Variants in SPDYE18 observed in about 807,000 individuals in gnomAD.
SPDYE18 encodes speedy protein E18.
A neutral mutation model predicts 44.9 loss-of-function variants in SPDYE18; 6 were observed. The ratio of observed to expected loss-of-function variants is 0.13; its 90% CI spans 0.07 to 0.26. The LOEUF (loss-of-function observed/expected upper bound fraction) is 0.26, where lower values mean the gene tolerates loss of function less well. Among genes scored for constraint, SPDYE18 ranks in the 10% least tolerant of loss-of-function variants. The probability of loss-of-function intolerance (pLI) is 1.00; values close to 1 mark genes in which losing one functional copy is unlikely to be tolerated. For synonymous variants in SPDYE18, 35 were observed against 177.1 expected (o/e 0.20, Z 6.37); for missense variants, 121 against 463.2 (o/e 0.26, Z 6.78).
In SPDYE18 at chr7:77,051,467, G is replaced by A. The variant is rs1789795565; in HGVS notation, c.*458C>T. ...ATGAAGCTATCTGTTACAATCTGTG[G>A]CACTGATATTTCACAAAAGAATTCT... is the stretch of plus-strand genomic sequence containing the variant. On this transcript the variant is annotated 3_prime_UTR_variant, in exon 9 of 9. Coordinates refer to ENST00000510091, the MANE Select transcript of SPDYE18 (RefSeq NM_001394953.1). 6.6e-6 allele frequency among the ~76,000 whole-genome samples: 1 copy of A among 152,256 alleles called. No individual in the cohort carries two copies. Among genetic ancestry groups the A allele is most frequent in the African/African-American group, 2.4e-5 (1 of 41,474 alleles).
Position 77,060,395 on chromosome 7 carries a change from G to A in SPDYE18, c.118C>T (p.Pro40Ser), listed in dbSNP as rs1315921001. Reference sequence around the variant, plus strand: ...TCATCATCCACCACCTCCTGGAGGGGGTACCCCGAGGTGCTCCGCTGGAGA... The same window carrying A: ...TCATCATCCACCACCTCCTGGAGGGAGTACCCCGAGGTGCTCCGCTGGAGA... ...QSLQRSTSGY[P>S]LQEVVDDEVL... Residue 40 changes from proline to serine, a missense_variant, in exon 2 of 9, where the codon CCC becomes TCC. By Grantham distance (74) the Pro-to-Ser change is moderately conservative. Transcript: ENST00000510091. The A allele has an allele frequency of 3.1e-5, 47 of 1,535,324 alleles. No individual in the cohort carries two copies. The highest frequency in any genetic ancestry group is 4.1e-5 in the African/African-American group (3 of 72,900).
At chr7:77,058,974 C>T (rs1353228828) in intron 3 of SPDYE18, among the ~76,000 whole-genome samples, 1 of 152,030 alleles carries the variant, frequency 6.6e-6, no homozygotes, top group Admixed American at 6.6e-5. Context: ...CAAGCTTTCT[C>T]ATCCCAAGCG....
intron 6 of SPDYE18, among the ~76,000 whole-genome samples, chr7:77,053,526 G>T (rs1368517490): frequency 5.3e-5 from 8 of 152,264 alleles, no homozygotes; most frequent in Non-Finnish European, 7.3e-5. Flanking sequence ...AACATAGCAA[G>T]ACCCTCGTCT....
rs1312860171 is a variant in SPDYE18 at position 77,051,630 on chromosome 7, G to T, written c.*295C>A. Among the ~76,000 whole-genome samples, 1 of 152,250 alleles carries T rather than the reference G, an allele frequency of 6.6e-6. No homozygotes were observed. The highest frequency in any genetic ancestry group is 1.9e-4 in the East Asian group (1 of 5,196). ...TATAGAAAGGGTGGTGGTGCCGCAGGAAAGGGTGGAACTGGAAACACTCCT... is the reference window on the plus strand; with the variant it reads ...TATAGAAAGGGTGGTGGTGCCGCAGTAAAGGGTGGAACTGGAAACACTCCT... On this transcript the variant is annotated 3_prime_UTR_variant, in exon 9 of 9. Transcript: ENST00000510091.
At position 77,051,695 on chromosome 7, in the gene SPDYE18, ACCCCCCTCC is replaced by A. The variant is rs747522970; in HGVS notation, c.*221_*229del. On this transcript the variant is annotated 3_prime_UTR_variant, in exon 9 of 9. Coordinates refer to ENST00000510091, the MANE Select transcript of SPDYE18 (RefSeq NM_001394953.1). Reference sequence around the variant, plus strand: ...CTCCAAGGACTCCTAGAAGGACCCCACCCCCCTCCCCCCACCCCTGCTCCCAGGAGGACA... The same window carrying A: ...CTCCAAGGACTCCTAGAAGGACCCCACCCCACCCCTGCTCCCAGGAGGACA... Among the ~76,000 whole-genome samples the A allele has an allele frequency of 2.0e-5, 2 of 98,706 alleles. No individual in the cohort carries two copies. Among genetic ancestry groups the A allele is most frequent in the Non-Finnish European group, 4.1e-5 (2 of 48,732 alleles). 64.8% of individuals were successfully genotyped at this position (98,706 alleles called of 152,430 possible). A position where few individuals can be genotyped will look rare whatever the true frequency, so the allele number is the denominator to read the frequency against.
At chr7:77,053,901 TAAAG>T (rs1789867655) in intron 6 of SPDYE18, among the ~76,000 whole-genome samples, 1 of 146,414 alleles carries the variant, frequency 6.8e-6, no homozygotes, top group Non-Finnish European at 1.5e-5. Flanking sequence ...TCGGAGCTAA[TAAAG>T]AAGCTGAGGT....
Position 77,060,468 on chromosome 7 carries a change from C to T in SPDYE18, c.45G>A (p.Thr15=), listed in dbSNP as rs909830820. Residue 15 remains threonine, a synonymous_variant, in exon 2 of 9, where the codon ACG becomes ACA. Coordinates refer to ENST00000510091, the MANE Select transcript of SPDYE18 (RefSeq NM_001394953.1). ...GTTGACGGCTGGTCGTGATCTTTCC[C>T]GTAATCTGTCCCCTCTTACGGAACC... is the stretch of plus-strand genomic sequence containing the variant. The part of the protein sequence containing the change: ...KTRFRKRGQI[T]GKITTSRQPH... 1.0e-4 allele frequency: 160 copies of T among 1,535,294 alleles called. No homozygotes were observed. Among genetic ancestry groups the T allele is most frequent in the African/African-American group, 4.0e-4 (29 of 73,048 alleles).
chr7:77,062,167 C>G (rs550380482), intron 1 of SPDYE18, among the ~76,000 whole-genome samples: 1 of 143,422 alleles, frequency 7.0e-6, no homozygotes, highest in Non-Finnish European at 1.5e-5. Context: ...ACACGTTTTC[C>G]TAATGGGCTG....
intron 6 of SPDYE18, among the ~76,000 whole-genome samples, chr7:77,054,269 CA>C: frequency 6.7e-6 from 1 of 149,568 alleles, no homozygotes; most frequent in East Asian, 2.0e-4. Flanking sequence ...AACACAAACA[CA>C]AAGTCGAGTG....
At position 77,051,617 on chromosome 7, in the gene SPDYE18, G is replaced by C. The variant is rs1183810197; in HGVS notation, c.*308C>G. Among the ~76,000 whole-genome samples, 2 of 152,260 alleles carry C rather than the reference G, an allele frequency of 1.3e-5. No homozygotes were observed. The highest frequency in any genetic ancestry group is 4.8e-5 in the African/African-American group (2 of 41,478). On this transcript the variant is annotated 3_prime_UTR_variant, in exon 9 of 9. Transcript: ENST00000510091. ...TGGAATTCAGCAATATAGAAAGGGT[G>C]GTGGTGCCGCAGGAAAGGGTGGAAC...
intron 8 of SPDYE18, among the ~76,000 whole-genome samples, 186 bp downstream of exon 8, chr7:77,052,547 G>T (rs1413763131): frequency 6.6e-6 from 1 of 152,240 alleles, no homozygotes; most frequent in African/African-American, 2.4e-5. Flanking sequence ...CGATCCTCCC[G>T]CCTCAGCCTC....
rs186513776 is a variant in SPDYE18 at position 77,062,111 on chromosome 7, A to G, written c.-422+385T>C. On this transcript the variant is annotated intron_variant, in intron 1 of 8. Coordinates refer to ENST00000510091, the MANE Select transcript of SPDYE18 (RefSeq NM_001394953.1). ...CCATTGTGCTCCAGCCTGGGCAACA[A>G]GAGCAAAACTCCATCTCAAAAAAAA... is the stretch of plus-strand genomic sequence containing the variant. Among the ~76,000 whole-genome samples, 298 of 132,586 alleles carry G rather than the reference A, an allele frequency of 2.2e-3. 11 individuals carry two copies. Among genetic ancestry groups the G allele is most frequent in the African/African-American group, 9.2e-3 (292 of 31,846 alleles). 87.0% of individuals were successfully genotyped at this position (132,586 alleles called of 152,430 possible).
At chr7:77,052,031 C>G (rs550505758) in intron 8 of SPDYE18, among the ~76,000 whole-genome samples, 152 bp from the exon 9 acceptor site, 1,375 of 128,596 alleles carry the variant, frequency 0.011, no homozygotes, top group African/African-American at 0.044. Context: ...TCTGAACCAT[C>G]GTGTTCAACT....
At chr7:77,054,694 C>G (rs1789885861) in intron 6 of SPDYE18, among the ~76,000 whole-genome samples, 1 of 151,750 alleles carries the variant, frequency 6.6e-6, no homozygotes. Context: ...TTTTCTTTTC[C>G]CCTTAGGAGC....
At chr7:77,058,116 CTTTTTTTTTTTT>C (rs375559743) in intron 3 of SPDYE18, among the ~76,000 whole-genome samples, 2 of 62,234 alleles carry the variant, frequency 3.2e-5, no homozygotes, top group African/African-American at 1.6e-4. Context: ...CTCTGAGTCT[CTTTTTTTTTTTT>C]TTTTTTTTTG....
At chr7:77,054,802 C>G (rs1286101379) in intron 6 of SPDYE18, among the ~76,000 whole-genome samples, 2 of 151,246 alleles carry the variant, frequency 1.3e-5, no homozygotes, top group Non-Finnish European at 2.9e-5. Context: ...AAGTCTCACT[C>G]TGTCACCCAG....
At chr7:77,055,042 A>G (rs1295165017) in intron 6 of SPDYE18, among the ~76,000 whole-genome samples, 194 bp downstream of exon 6, 5 of 152,378 alleles carry the variant, frequency 3.3e-5, no homozygotes, top group African/African-American at 9.6e-5. Flanking sequence ...TGCTGGGATT[A>G]CAGGCGTATG....
At chr7:77,053,608 A>G (rs1274258552) in intron 6 of SPDYE18, among the ~76,000 whole-genome samples, 1 of 152,282 alleles carries the variant, frequency 6.6e-6, no homozygotes, top group African/African-American at 2.4e-5. Context: ...AGAATGCTGA[A>G]GCAGGTGGAT....
At chr7:77,052,625 G>A (rs1789826349) in intron 8 of SPDYE18, among the ~76,000 whole-genome samples, 108 bp downstream of exon 8, 1 of 152,290 alleles carries the variant, frequency 6.6e-6, no homozygotes, top group Non-Finnish European at 1.5e-5. Context: ...GTGGAGAGGG[G>A]ATCTCGCCAC....
Sources: gnomAD v4.1 joint callset for allele counts (sites outside exome capture counted in the v4.1 genomes callset) on GRCh38, gnomAD v4.1.1 for gene constraint, MANE v1.5 for transcripts, NCBI Gene and HGNC (gene_info 2026-07-23, HGNC 2026-07-21) for gene names.